HDAC4: variants seen among roughly 807,000 people sequenced by gnomAD.
HDAC4 encodes the protein histone deacetylase A.
HDAC4 carries 16 observed loss-of-function variants against 135.1 expected under a neutral mutation model. The ratio of observed to expected loss-of-function variants is 0.12; its 90% confidence interval spans 0.08 to 0.18. HDAC4 has a LOEUF of 0.18. HDAC4 is among the 10% of genes least tolerant of loss of function. The pLI, the probability that HDAC4 is intolerant of heterozygous loss-of-function variation, is 1.00. For synonymous variants in HDAC4, 685 were observed against 653.4 expected (o/e 1.05, Z -0.74); for missense variants, 1,143 against 1,511.8 (o/e 0.76, Z 4.05).
upstream of HDAC4, among the ~76,000 whole-genome samples, chr2:239,401,211 G>C (rs893806058): frequency 6.6e-6 from 1 of 151,290 alleles, no homozygotes; most frequent in Non-Finnish European, 1.5e-5. Context: ...CCGGGCGCCT[G>C]GCCGGCCTTC....
At chr2:239,072,374 T>G (rs1334175287) in intron 22 of HDAC4, among the ~76,000 whole-genome samples, 1 of 152,246 alleles carries the variant, frequency 6.6e-6, no homozygotes, top group African/African-American at 2.4e-5. Context: ...GATTCCCACT[T>G]GTGCTGTGAG....
intron 7 of HDAC4, among the ~76,000 whole-genome samples, chr2:239,148,397 G>T (rs997992868): frequency 7.9e-5 from 12 of 152,172 alleles, no homozygotes; most frequent in Non-Finnish European, 1.8e-4. Flanking sequence ...CAGCAGGGTG[G>T]AGAAATCATG....
chr2:239,327,918 G>A (rs1390199470), intron 2 of HDAC4, among the ~76,000 whole-genome samples: 10 of 152,128 alleles, frequency 6.6e-5, no homozygotes, highest in East Asian at 5.8e-4. Context: ...TGCTCTCCCC[G>A]CATACACACC....
intron 12 of HDAC4, among the ~76,000 whole-genome samples, chr2:239,120,346 C>T (rs958822138): frequency 2.6e-5 from 4 of 151,818 alleles, no homozygotes; most frequent in Admixed American, 6.6e-5. Context: ...GGCTCACATA[C>T]AGATACATAC....
Position 239,217,865 on chromosome 2 carries a change from G to T in HDAC4, c.94+18728C>A, listed in dbSNP as rs147338589. Among the ~76,000 whole-genome samples, 313 of 152,256 alleles carry T rather than the reference G, an allele frequency of 2.1e-3. 1 individual carries two copies. The highest frequency in any genetic ancestry group is 7.1e-3 in the African/African-American group (297 of 41,546). On this transcript the variant is annotated intron_variant, in intron 3 of 26. Transcript: ENST00000543185. Reference sequence around the variant, plus strand: ...GTGCTTTGGGAGGCTAAGGCGGGAGGGGGATCGTTTGAGGCCAGAAGTTTG... The same window carrying T: ...GTGCTTTGGGAGGCTAAGGCGGGAGTGGGATCGTTTGAGGCCAGAAGTTTG...
rs2039037416 is a variant in HDAC4 at position 239,115,365 on chromosome 2, C to G, written c.1534-55G>C. The G allele has an allele frequency of 6.2e-7, 1 of 1,605,604 alleles. No homozygotes were observed. The highest frequency in any genetic ancestry group is 8.5e-7 in the Non-Finnish European group (1 of 1,174,656). ...AGAGAGCTGGGTCCTCTGAGCTCAT[C>G]TGACAGGAGAAGGGATGCTGCAAAC... On this transcript the variant is annotated intron_variant, in intron 12 of 26. Coordinates refer to ENST00000543185, the MANE Select transcript of HDAC4 (RefSeq NM_001378414.1). The surrounding 1 kb of genome is among the most constrained non-coding windows in gnomAD (Gnocchi z 6.3).
At chr2:239,093,623 T>A (rs1026371224) in intron 17 of HDAC4, among the ~76,000 whole-genome samples, 4 of 152,178 alleles carry the variant, frequency 2.6e-5, no homozygotes, top group Non-Finnish European at 5.9e-5. Flanking sequence ...CAGGCTACCC[T>A]CTCTGCCCGC....
chr2:239,332,089 T>A (rs956461914), intron 2 of HDAC4, among the ~76,000 whole-genome samples: 4 of 152,150 alleles, frequency 2.6e-5, no homozygotes, highest in Admixed American at 6.5e-5. Flanking sequence ...TAAAATAGCT[T>A]CAAAATAAAC....
At chr2:239,131,017 G>A (rs2040541557) in intron 11 of HDAC4, among the ~76,000 whole-genome samples, 1 of 152,214 alleles carries the variant, frequency 6.6e-6, no homozygotes, top group East Asian at 1.9e-4. Context: ...AGCTAGTTAT[G>A]CGGAGACTAA....
chr2:239,081,480 C>T (rs966407610), intron 21 of HDAC4, among the ~76,000 whole-genome samples: 3 of 152,262 alleles, frequency 2.0e-5, no homozygotes, highest in Non-Finnish European at 4.4e-5. Context: ...TGCGGACCCG[C>T]CGCCCTGTGT....
At chr2:239,280,795 C>A (rs990038923) in intron 2 of HDAC4, among the ~76,000 whole-genome samples, 8 of 151,650 alleles carry the variant, frequency 5.3e-5, no homozygotes, top group Admixed American at 3.9e-4. Context: ...AATGAACACA[C>A]CACTCTACAC....
intron 2 of HDAC4, among the ~76,000 whole-genome samples, chr2:239,280,311 C>T (rs962274115): frequency 6.6e-6 from 1 of 152,178 alleles, no homozygotes; most frequent in Non-Finnish European, 1.5e-5. Context: ...GAAAGAAGGC[C>T]ACAAGCCCTG....
At chr2:239,221,631 C>T (rs1037568146) in intron 3 of HDAC4, among the ~76,000 whole-genome samples, 1 of 151,870 alleles carries the variant, frequency 6.6e-6, no homozygotes, top group African/African-American at 2.4e-5. Context: ...CACACACACA[C>T]ACACACACAC....
At chr2:239,321,546 G>A (rs1575691373) in intron 2 of HDAC4, among the ~76,000 whole-genome samples, 1 of 149,190 alleles carries the variant, frequency 6.7e-6, no homozygotes, top group African/African-American at 2.5e-5. Flanking sequence ...GTGAACGTGT[G>A]TAAATGTTGG....
Position 239,308,689 on chromosome 2 carries a change from C to T in HDAC4, c.22+43989G>A, listed in dbSNP as rs1465465084. ...GCCTCCGGGTGTCCCCCCCTTCCAG[C>T]CCAGTGCAGGGGTTCAGCCGCTGCA... is the stretch of plus-strand genomic sequence containing the variant. On this transcript the variant is annotated intron_variant, in intron 2 of 26. Transcript: ENST00000543185. This position sits in a 1 kb window ranked among gnomAD's most constrained non-coding sequence, Gnocchi z 4.2. Among the ~76,000 whole-genome samples the T allele has an allele frequency of 6.6e-6, 1 of 152,162 alleles. No homozygotes were observed. The highest frequency in any genetic ancestry group is 2.4e-5 in the African/African-American group (1 of 41,414).
At chr2:239,369,503 G>T (rs969292110) in intron 1 of HDAC4, among the ~76,000 whole-genome samples, 1 of 152,104 alleles carries the variant, frequency 6.6e-6, no homozygotes, top group African/African-American at 2.4e-5. Context: ...TACTTTCTAA[G>T]TTTATTTATT....
chr2:239,367,603 G>T (rs1694304661), intron 1 of HDAC4, among the ~76,000 whole-genome samples: 1 of 152,018 alleles, frequency 6.6e-6, no homozygotes, highest in Admixed American at 6.6e-5. Flanking sequence ...TCATGTGATG[G>T]GTCACAGTCA....
chr2:239,291,807 C>T (rs986191912), intron 2 of HDAC4, among the ~76,000 whole-genome samples: 69 of 152,316 alleles, frequency 4.5e-4, no homozygotes, highest in East Asian at 7.7e-4. Flanking sequence ...CCACCATCGC[C>T]TTCTAGAAAA....
chr2:239,285,662 T>C lies in HDAC4; in HGVS notation c.23-48998A>G, dbSNP rs1575611053. ...GCTCTTGTGCTGTGGAAACCCCAGGTTCTGCATAAGACATACCTTCTGTCA... is the reference window on the plus strand; with the variant it reads ...GCTCTTGTGCTGTGGAAACCCCAGGCTCTGCATAAGACATACCTTCTGTCA... On this transcript the variant is annotated intron_variant, in intron 2 of 26. Coordinates refer to ENST00000543185, the MANE Select transcript of HDAC4 (RefSeq NM_001378414.1). This position sits in a 1 kb window ranked among gnomAD's most constrained non-coding sequence, Gnocchi z 4.5. Among the ~76,000 whole-genome samples the C allele has an allele frequency of 1.3e-5, 2 of 151,922 alleles. No homozygotes were observed. The highest frequency in any genetic ancestry group is 1.3e-4 in the Admixed American group (2 of 15,246).
Sources: gnomAD v4.1 joint callset for allele counts (sites outside exome capture counted in the v4.1 genomes callset) on GRCh38, gnomAD v4.1.1 for gene constraint, Gnocchi (gnomAD v3.1) non-coding constraint, MANE v1.5 for transcripts, NCBI Gene and HGNC (gene_info 2026-07-23, HGNC 2026-07-21) for gene names.